Variants in KMT2A observed in about 807,000 individuals in gnomAD.
KMT2A encodes the protein lysine methyltransferase 2A, also known as histone-lysine N-methyltransferase 2A.
A neutral mutation model predicts 345.3 loss-of-function variants in KMT2A; 16 were observed. The observed-to-expected ratio is 0.05, with a 90% CI of 0.03 to 0.07. The LOEUF (loss-of-function observed/expected upper bound fraction) is 0.07. Ranked by LOEUF, KMT2A falls within the 10% of genes least tolerant of loss-of-function variation. The pLI is 1.00. For synonymous variants in KMT2A, 1,599 were observed against 1,778.6 expected (o/e 0.90, Z 2.54); for missense variants, 3,272 against 4,841.6 (o/e 0.68, Z 9.62).
chr11:118,506,064 A>G lies in KMT2A; in HGVS notation c.10172A>G (p.Gln3391Arg). Residue 3391 changes from glutamine (Q) to arginine (R), a missense_variant, in exon 27 of 36, where the codon CAG (glutamine) becomes CGG (arginine). This residue lies in a region of KMT2A where 748 missense variants were observed against 922.2 expected (regional missense o/e 0.81). Coordinates refer to ENST00000534358, the MANE Select transcript of KMT2A (RefSeq NM_001197104.2). ...ISNLLIKASQ[Q>R]SLGIQDQPVA... ...AATCTTTTAATCAAAGCTAGCCAGC[A>G]GAGCCTGGGGATTCAGGACCAGCCT... is the stretch of plus-strand genomic sequence containing the variant. 9 of 1,614,216 alleles carry G rather than the reference A, an allele frequency of 5.6e-6. No individual in the cohort carries two copies. Among genetic ancestry groups the G allele is most frequent in the Non-Finnish European group, 7.6e-6 (9 of 1,180,040 alleles).
At chr11:118,470,738 A>C (rs1555035273) in intron 2 of KMT2A, among the ~76,000 whole-genome samples, 1 of 152,226 alleles carries the variant, frequency 6.6e-6, no homozygotes, top group East Asian at 1.9e-4. Flanking sequence ...TTAGTCTCAG[A>C]AGAATGTTAT....
In KMT2A at chr11:118,481,881, C is replaced by A; in HGVS notation, c.3801C>A (p.Val1267=). Residue 1267 remains valine, a synonymous_variant, in exon 7 of 36, where the codon GTC becomes GTA. Transcript: ENST00000534358. ...SSSEPPPRKP[V]EEKSEEGNVS... ...GTGAGCCTCCTCCACGAAAGCCCGT[C>A]GAGGAAAAGAGTGAAGAAGGGAATG... 6.2e-7 allele frequency: 1 copy of A among 1,614,120 alleles called. No homozygotes were observed. The highest frequency in any genetic ancestry group is 8.5e-7 in the Non-Finnish European group (1 of 1,180,012).
At position 118,520,132 on chromosome 11, in the gene KMT2A, C is replaced by G. The variant is rs940023746; in HGVS notation, c.11429+68C>G. On this transcript the variant is annotated intron_variant, in intron 33 of 35. Transcript: ENST00000534358. The surrounding 1 kb of genome is among the most constrained non-coding windows in gnomAD (Gnocchi z 4.3). ...TCTCCTCCAGCTGGTCAGGGCACTA[C>G]GTAGGAATTTGTTTGCATCAGAATT... The G allele has an allele frequency of 3.9e-6, 4 of 1,022,136 alleles. No individual in the cohort carries two copies. Among genetic ancestry groups the G allele is most frequent in the Non-Finnish European group, 5.9e-6 (4 of 674,060 alleles). The allele number at this position is 1,022,136 out of a possible 1,614,324, so 63.3% of individuals were successfully genotyped here. A position where few individuals can be genotyped will look rare whatever the true frequency, so the allele number is the denominator to read the frequency against.
intron 15 of KMT2A, among the ~76,000 whole-genome samples, chr11:118,492,594 G>A (rs574975018): frequency 1.3e-5 from 2 of 152,334 alleles, no homozygotes; most frequent in South Asian, 4.1e-4. Context: ...CAGGAGAATG[G>A]CGTGAACCTG....
rs113523063 is a variant in KMT2A, at chr11:118,489,869, A to G, written c.4557A>G (p.Thr1519=). 70 of 1,614,166 alleles carry G rather than the reference A, an allele frequency of 4.3e-5. No homozygotes were observed. The African/African-American group carries it at 6.9e-4, about 16-fold the overall frequency. The change falls in exon 12 of 36, where the codon ACA becomes ACG. Residue 1519 remains threonine, a synonymous_variant. Transcript: ENST00000534358. Reference sequence around the variant, plus strand: ...GACCAAACTACCCCACCAAACCCACAAAGAAGAAGAAAGTCTGGGTGAGTT... The same window carrying G: ...GACCAAACTACCCCACCAAACCCACGAAGAAGAAGAAAGTCTGGGTGAGTT... The part of the protein sequence containing the change: ...CLGPNYPTKP[T]KKKKVWICTK...
In KMT2A at chr11:118,525,272, CAGTG is replaced by C. The variant is rs1157413239; in HGVS notation, c.*3103_*3106del. 3 of 229,794 alleles carry C rather than the reference CAGTG, an allele frequency of 1.3e-5. No homozygotes were observed. Among genetic ancestry groups the C allele is most frequent in the African/African-American group, 2.2e-5 (1 of 45,146 alleles). 14.2% of individuals were successfully genotyped at this position (229,794 alleles called of 1,614,324 possible). A position where few individuals can be genotyped will look rare whatever the true frequency, so the allele number is the denominator to read the frequency against. ...AACAGCTGCAAACCTGGTCAGTTCT[CAGTG>C]AGAGCCAGCTCACTTATAGCTTTGC... On this transcript the variant is annotated 3_prime_UTR_variant, in exon 36 of 36. Transcript: ENST00000534358.
At chr11:118,465,580 G>A (rs1418326320) in intron 1 of KMT2A, among the ~76,000 whole-genome samples, 8 of 152,132 alleles carry the variant, frequency 5.3e-5, no homozygotes, top group Non-Finnish European at 4.4e-5. Flanking sequence ...CAGTAAGTGA[G>A]TTGTCTAAGA....
intron 7 of KMT2A, 119 bp downstream of exon 7, chr11:118,482,211 A>G: frequency 8.5e-7 from 1 of 1,178,658 alleles, no homozygotes; most frequent in Non-Finnish European, 1.2e-6. Flanking sequence ...GTTCAAGAAA[A>G]TCAGCTCTCT....
intron 25 of KMT2A, among the ~76,000 whole-genome samples, 157 bp downstream of exon 25, chr11:118,501,304 A>C (rs1440560792): frequency 2.6e-5 from 4 of 151,894 alleles, no homozygotes; most frequent in Non-Finnish European, 5.9e-5. Context: ...CTAAAAATAC[A>C]AAAAAATTAG....
rs782770260 is a variant in KMT2A at position 118,495,936 on chromosome 11, T to C, written c.5557+43T>C. 1 of 1,467,372 alleles carries C rather than the reference T, an allele frequency of 6.8e-7. No individual in the cohort carries two copies. Among genetic ancestry groups the C allele is most frequent in the South Asian group, 1.2e-5 (1 of 80,428 alleles). The allele number at this position is 1,467,372 out of a possible 1,614,324, so 90.9% of individuals were successfully genotyped here. A position where few individuals can be genotyped will look rare whatever the true frequency, so the allele number is the denominator to read the frequency against. On this transcript the variant is annotated intron_variant, in intron 19 of 35. Transcript: ENST00000534358. The surrounding 1 kb of genome is among the most constrained non-coding windows in gnomAD (Gnocchi z 4.1). ...GAGTCGTCACCCATTTCCCTCTAGA[T>C]GCAGATGATTGACTTCGTGAATCCA...
Position 118,521,881 on chromosome 11 carries a change from T to TC in KMT2A, c.11644-15dup. ...TAAGAAATGACAAGTTCTTCTCCCT[T>TC]CTTCTGCATGTGCAGGGCATTGGTT... On this transcript the variant is annotated splice_polypyrimidine_tract_variant and intron_variant, in intron 35 of 35. Transcript: ENST00000534358. The surrounding 1 kb of genome is among the most constrained non-coding windows in gnomAD (Gnocchi z 5.3). 6.2e-7 allele frequency: 1 copy of TC among 1,606,446 alleles called. No homozygotes were observed. The highest frequency in any genetic ancestry group is 8.5e-7 in the Non-Finnish European group (1 of 1,173,492).
In KMT2A at chr11:118,506,175, G is replaced by T. The variant is rs2134411414; in HGVS notation, c.10283G>T (p.Ser3428Ile). 6.2e-7 allele frequency: 1 copy of T among 1,614,172 alleles called. No individual in the cohort carries two copies. Among genetic ancestry groups the T allele is most frequent in the Non-Finnish European group, 8.5e-7 (1 of 1,180,024 alleles). The change falls in exon 27 of 36, where the codon AGC becomes ATC. Residue 3428 changes from serine to isoleucine, a missense_variant. Transcript: ENST00000534358. ...PSTAAITAAS[S>I]ICVLPSTQTT... is the part of the protein sequence containing the mutation. ...ACTGCTGCAATAACAGCGGCATCTA[G>T]CATCTGTGTGCTCCCCTCCACTCAG...
intron 1 of KMT2A, among the ~76,000 whole-genome samples, chr11:118,465,170 G>A (rs901371966): frequency 3.5e-4 from 54 of 152,220 alleles, no homozygotes; most frequent in African/African-American, 1.3e-3. Flanking sequence ...CCCAGGAGAC[G>A]GAGGTTGCAG....
intron 25 of KMT2A, among the ~76,000 whole-genome samples, 162 bp downstream of exon 25, chr11:118,501,309 A>T (rs1950496293): frequency 6.6e-6 from 1 of 152,006 alleles, no homozygotes; most frequent in Admixed American, 6.6e-5. Flanking sequence ...AATACAAAAA[A>T]ATTAGCCAGG....
Position 118,474,261 on chromosome 11 carries a change from C to T in KMT2A, c.3102C>T (p.Leu1034=). 1 of 1,614,172 alleles carries T rather than the reference C, an allele frequency of 6.2e-7. No individual in the cohort carries two copies. The highest frequency in any genetic ancestry group is 8.5e-7 in the Non-Finnish European group (1 of 1,180,028). The part of the protein sequence containing the change: ...ASLLKKAKAQ[L]CKIEKSKSLK... ...TCCTAAAAAAGGCCAAAGCTCAGCTCTGCAAGATTGAGAAGAGTAAGAGTC... is the reference window on the plus strand; with the variant it reads ...TCCTAAAAAAGGCCAAAGCTCAGCTTTGCAAGATTGAGAAGAGTAAGAGTC... Residue 1034 remains leucine, a synonymous_variant, in exon 3 of 36, where the codon CTC becomes CTT. Transcript: ENST00000534358.
rs781971827 is a variant in KMT2A, at chr11:118,505,525, T to G, written c.9633T>G (p.Ser3211Arg). The change falls in exon 27 of 36, where the codon AGT becomes AGG. Residue 3211 changes from serine to arginine, a missense_variant. Transcript: ENST00000534358. The surrounding 1 kb of genome is among the most constrained non-coding windows in gnomAD (Gnocchi z 4.6). Reference sequence around the variant, plus strand: ...AATCCAGCCAGAGGACAGACCTCAGTACCACAGTAGCCACTCCATCCTCTG... The same window carrying G: ...AATCCAGCCAGAGGACAGACCTCAGGACCACAGTAGCCACTCCATCCTCTG... ...VSESSQRTDL[S>R]TTVATPSSGL... 1 of 1,614,148 alleles carries G rather than the reference T, an allele frequency of 6.2e-7. No homozygotes were observed. The highest frequency in any genetic ancestry group is 8.5e-7 in the Non-Finnish European group (1 of 1,180,016).
chr11:118,438,580 G>A (rs1188992841), intron 1 of KMT2A, among the ~76,000 whole-genome samples: 1 of 152,072 alleles, frequency 6.6e-6, no homozygotes, highest in Non-Finnish European at 1.5e-5. Context: ...CGTTTCCTGC[G>A]TGCTCTGCCG....
At chr11:118,506,729 G>A in intron 27 of KMT2A, 83 bp downstream of exon 27, 9 of 1,379,590 alleles carry the variant, frequency 6.5e-6, no homozygotes, top group Non-Finnish European at 8.9e-6. Flanking sequence ...TAGTCCGGGA[G>A]AGACACTCTT....
rs149014176 is a variant in KMT2A at position 118,502,849 on chromosome 11, A to G, written c.6957A>G (p.Ser2319=). ...CCAAAGTGCTGAGTTCCAAGAGCTC[A>G]GAGGGATCTGCACATAATGTGGCTT... ...EKTKVLSSKS[S]EGSAHNVAYP... is the part of the protein sequence containing the mutation. The change falls in exon 27 of 36, where the codon TCA becomes TCG. Residue 2319 remains serine, a synonymous_variant. Transcript: ENST00000534358. This position sits in a 1 kb window ranked among gnomAD's most constrained non-coding sequence, Gnocchi z 4.9. 4.6e-5 allele frequency: 75 copies of G among 1,614,242 alleles called. No individual in the cohort carries two copies. The African/African-American group carries it at 8.4e-4, about 18-fold the overall frequency.
Sources: allele counts gnomAD v4.1 joint callset (sites outside exome capture counted in the v4.1 genomes callset), GRCh38; gene constraint gnomAD v4.1.1; regional missense constraint gnomAD v4.1.1; non-coding constraint Gnocchi (gnomAD v3.1); transcripts MANE v1.5; gene names NCBI Gene and HGNC (gene_info 2026-07-23, HGNC 2026-07-21).